Variants in IQSEC1 observed in about 807,000 individuals in gnomAD.
The protein encoded by IQSEC1 is IQ motif and Sec7 domain ArfGEF 1.
Under a neutral mutation model 91.0 loss-of-function variants are expected in IQSEC1, and 31 were observed. The ratio of observed to expected loss-of-function variants is 0.34; its 90% CI spans 0.26 to 0.46. The LOEUF is 0.46. IQSEC1 is among the 20% of genes least tolerant of loss of function. The pLI, the probability that IQSEC1 is intolerant of heterozygous loss-of-function variation, is 1.00. For synonymous variants in IQSEC1, 699 were observed against 662.6 expected (o/e 1.05, Z -0.84); for missense variants, 1,388 against 1,575.6 (o/e 0.88, Z 2.02).
chr3:13,186,850 G>A (rs1693942243), intron 1 of IQSEC1, among the ~76,000 whole-genome samples: 1 of 152,142 alleles, frequency 6.6e-6, no homozygotes, highest in Non-Finnish European at 1.5e-5. Flanking sequence ...ATCCTGCCCA[G>A]AAACCCCAGA....
chr3:12,913,937 A>C (rs1459382603), intron 8 of IQSEC1, among the ~76,000 whole-genome samples: 1 of 152,196 alleles, frequency 6.6e-6, no homozygotes, highest in Non-Finnish European at 1.5e-5. Context: ...GGTCATAAAC[A>C]TGAGGCCACT....
At chr3:13,059,037 A>G (rs1053309649) in intron 1 of IQSEC1, among the ~76,000 whole-genome samples, 2 of 151,920 alleles carry the variant, frequency 1.3e-5, no homozygotes, top group South Asian at 4.1e-4. Context: ...AGCCTCTGAC[A>G]CATCCTCTCC....
chr3:13,196,740 A>C lies in IQSEC1; in HGVS notation c.273-32607T>G, dbSNP rs78561377. 8.5e-3 allele frequency among the ~76,000 whole-genome samples: 1,110 copies of C among 130,522 alleles called. 14 individuals carry two copies. The highest frequency in any genetic ancestry group is 0.03 in the African/African-American group (1,060 of 34,876). 85.6% of individuals were successfully genotyped at this position (130,522 alleles called of 152,430 possible). A position where few individuals can be genotyped will look rare whatever the true frequency, so the allele number is the denominator to read the frequency against. The stretch of plus-strand genomic sequence containing the variant: ...GGCATGCGCGTGCGTGTGTATGTAC[A>C]TGTGTGTGCGTGTGTGTGTGTGTGT... On this transcript the variant is annotated intron_variant, in intron 1 of 15. Transcript: ENST00000648114.
At chr3:13,206,609 A>C (rs1694349508) in intron 1 of IQSEC1, among the ~76,000 whole-genome samples, 1 of 152,202 alleles carries the variant, frequency 6.6e-6, no homozygotes, top group South Asian at 2.1e-4. Context: ...AATTTTGCAA[A>C]TCATTAGCAA....
chr3:13,092,959 T>G (rs8180103), intron 2 of IQSEC1, among the ~76,000 whole-genome samples: 55,181 of 151,956 alleles, frequency 0.36, 10,427 homozygotes, highest in East Asian at 0.53. Flanking sequence ...ATTATTTAGC[T>G]CTTGGCTCAG....
At chr3:12,906,915 T>C (rs1342066889) in intron 12 of IQSEC1, among the ~76,000 whole-genome samples, 2 of 152,196 alleles carry the variant, frequency 1.3e-5, no homozygotes, top group African/African-American at 4.8e-5. Flanking sequence ...CAGTGACATT[T>C]AGCTGTGTTT....
At chr3:13,166,549 T>C (rs1485645119) in intron 1 of IQSEC1, among the ~76,000 whole-genome samples, 2 of 152,226 alleles carry the variant, frequency 1.3e-5, no homozygotes, top group Admixed American at 1.3e-4. Flanking sequence ...TTAATCTCCA[T>C]GAGCCCCAGT....
intron 1 of IQSEC1, among the ~76,000 whole-genome samples, chr3:13,002,025 A>G (rs997210767): frequency 2.6e-5 from 4 of 152,160 alleles, no homozygotes; most frequent in Non-Finnish European, 4.4e-5. Flanking sequence ...GTGAGCTGAG[A>G]TCTAGGCACT....
chr3:13,223,210 C>T (rs79969661), intron 1 of IQSEC1, among the ~76,000 whole-genome samples: 64 of 152,336 alleles, frequency 4.2e-4, no homozygotes, highest in African/African-American at 1.5e-3. Flanking sequence ...GAAAAGTCAA[C>T]GCTTCCTGCA....
intron 1 of IQSEC1, among the ~76,000 whole-genome samples, chr3:13,196,894 G>A (rs1694139710): frequency 6.6e-6 from 1 of 152,204 alleles, no homozygotes; most frequent in East Asian, 1.9e-4. Context: ...CCCAAGTCAG[G>A]GGGAGCAGGA....
chr3:13,157,926 C>A (rs188286306), intron 2 of IQSEC1, among the ~76,000 whole-genome samples: 1 of 152,324 alleles, frequency 6.6e-6, no homozygotes, highest in Admixed American at 6.5e-5. Flanking sequence ...TTAACTGTAT[C>A]TCATTGGTCT....
At chr3:13,013,136 T>C (rs1702966045) in intron 1 of IQSEC1, among the ~76,000 whole-genome samples, 1 of 152,062 alleles carries the variant, frequency 6.6e-6, no homozygotes, top group Non-Finnish European at 1.5e-5. Context: ...AATTTTTGTA[T>C]TTTTAGTAGA....
Position 13,071,153 on chromosome 3 carries a change from G to GTTTT in IQSEC1, c.23+1835_23+1838dup, listed in dbSNP as rs796412810. 8.7e-4 allele frequency among the ~76,000 whole-genome samples: 79 copies of GTTTT among 90,968 alleles called. 1 individual carries two copies. The highest frequency in any genetic ancestry group is 1.2e-3 in the Non-Finnish European group (51 of 43,652). 59.7% of individuals were successfully genotyped at this position (90,968 alleles called of 152,430 possible). On this transcript the variant is annotated intron_variant, in intron 1 of 13. Transcript: ENST00000613206. ...GGTGGGACCCACACAGTTTTTTTTT[G>GTTTT]TTTTTTTTTTTTTGTTTGTTTCTTT...
In IQSEC1 at chr3:12,994,945, G is replaced by C. The variant is rs1463429141; in HGVS notation, c.24-53080C>G. On this transcript the variant is annotated intron_variant, in intron 1 of 13. Transcript: ENST00000613206. This position sits in a 1 kb window ranked among gnomAD's most constrained non-coding sequence, Gnocchi z 4.5. ...GGCTGGGCCTGGAAGGGATATGGGC[G>C]GGAGCGCGCCCGCGGGGGTGCACCT... is the stretch of plus-strand genomic sequence containing the variant. 1 of 152,562 alleles carries C rather than the reference G, an allele frequency of 6.6e-6. No homozygotes were observed. The highest frequency in any genetic ancestry group is 6.5e-5 in the Admixed American group (1 of 15,282). 9.5% of individuals were successfully genotyped at this position (152,562 alleles called of 1,614,324 possible). A position where few individuals can be genotyped will look rare whatever the true frequency, so the allele number is the denominator to read the frequency against.
intron 1 of IQSEC1, among the ~76,000 whole-genome samples, chr3:12,956,392 G>A (rs1699907064): frequency 6.6e-6 from 1 of 152,186 alleles, no homozygotes; most frequent in South Asian, 2.1e-4. Context: ...CCACAGCTCT[G>A]CATGGCTGGT....
intron 2 of IQSEC1, among the ~76,000 whole-genome samples, chr3:13,137,024 T>C (rs931915737): frequency 1.3e-5 from 2 of 152,068 alleles, no homozygotes; most frequent in South Asian, 2.1e-4. Context: ...GTGGTCCCTG[T>C]ATTCGGGAGG....
At chr3:13,203,184 C>T (rs1294260614) in intron 1 of IQSEC1, among the ~76,000 whole-genome samples, 1 of 152,016 alleles carries the variant, frequency 6.6e-6, no homozygotes, top group South Asian at 2.1e-4. Context: ...CACACACACA[C>T]ACACACACAC....
intron 1 of IQSEC1, among the ~76,000 whole-genome samples, chr3:13,005,305 T>C (rs533158317): frequency 5.6e-4 from 86 of 152,334 alleles, no homozygotes; most frequent in African/African-American, 1.9e-3. Flanking sequence ...CCTGTACTGC[T>C]GGACCTCGGG....
intron 2 of IQSEC1, among the ~76,000 whole-genome samples, chr3:13,152,501 C>G (rs148378133): frequency 2.1e-4 from 32 of 152,342 alleles, no homozygotes; most frequent in African/African-American, 7.2e-4. Context: ...CCTCTCAAGT[C>G]TCTCTTCCTC....
Sources: allele counts gnomAD v4.1 joint callset (sites outside exome capture counted in the v4.1 genomes callset), GRCh38; gene constraint gnomAD v4.1.1; non-coding constraint Gnocchi (gnomAD v3.1); transcripts MANE v1.5; gene names NCBI Gene and HGNC (gene_info 2026-07-23, HGNC 2026-07-21).